The following DPH2 variants were observed in gnomAD, a reference collection of about 807,000 sequenced individuals.
DPH2 encodes the protein diphthamide biosynthesis 2, also known as 2-(3-amino-3-carboxypropyl)histidine synthase subunit 2.
A neutral mutation model predicts 42.5 loss-of-function variants in DPH2; 28 were observed. The observed-to-expected ratio is 0.66, with a 90% CI of 0.49 to 0.90. The LOEUF is 0.90. Among genes scored for constraint, DPH2 ranks in the 40% least tolerant of loss-of-function variants. The probability of loss-of-function intolerance (pLI) is 0.00; values close to 1 mark genes in which losing one functional copy is unlikely to be tolerated. For synonymous variants in DPH2, 279 were observed against 264.4 expected, an observed-to-expected ratio of 1.06 and a Z score of -0.53; for missense variants, 576 against 636.0, an observed-to-expected ratio of 0.91 and a Z score of 1.01.
Position 43,971,718 on chromosome 1 carries a change from A to G in DPH2, c.816A>G (p.Arg272=). The change falls in exon 4 of 6, where the codon CGA becomes CGG. Residue 272 remains arginine (R), a synonymous_variant. Transcript: ENST00000255108. ...ARAGRLRARR[R]YLVERARDAR... is the part of the protein sequence containing the mutation. ...CTGGACGGCTAAGGGCACGAAGACG[A>G]TATCTGGTAGAGAGGGCCAGAGATG... 1 of 1,612,466 alleles carries G rather than the reference A, an allele frequency of 6.2e-7. No homozygotes were observed. Among genetic ancestry groups the G allele is most frequent in the Non-Finnish European group, 8.5e-7 (1 of 1,179,934 alleles).
Position 43,971,037 on chromosome 1 carries a change from T to G in DPH2, c.332T>G (p.Leu111Ter). 6.3e-7 allele frequency: 1 copy of G among 1,582,192 alleles called. No individual in the cohort carries two copies. The highest frequency in any genetic ancestry group is 8.6e-7 in the Non-Finnish European group (1 of 1,163,220). Residue 111 changes from leucine to a stop codon, truncating the protein, a stop_gained, in exon 3 of 6, where the codon TTA (leucine) becomes TGA (stop). Transcript: ENST00000255108. LOFTEE classifies it high-confidence loss of function. ...QALIHFGPAC[L>*]SPPARPLPVA... ...CTCATACATTTTGGCCCTGCCTGCT[T>G]AAGCCCTCCAGCCCGCCCACTGCCC...
In DPH2 at chr1:43,971,933, G is replaced by T; in HGVS notation, c.1031G>T (p.Gly344Val). 6.2e-7 allele frequency: 1 copy of T among 1,614,224 alleles called. No homozygotes were observed. Among genetic ancestry groups the T allele is most frequent in the Non-Finnish European group, 8.5e-7 (1 of 1,180,042 alleles). Residue 344 changes from glycine (G) to valine (V), a missense_variant, in exon 4 of 6, where the codon GGT (glycine) becomes GTT (valine). Transcript: ENST00000255108. ...TTTGTGCTATTAGCCTGTCCTCTGG[G>T]TGCTCTAGCCCCCCAGCTTTCTGGT... Reference protein sequence around the residue: ...DVFVLLACPLGALAPQLSGSF... With the variant: ...DVFVLLACPLVALAPQLSGSF...
In DPH2 at chr1:43,970,118, G is replaced by C. The variant is rs11539397; in HGVS notation, c.-58G>C. ...CCTGAGGGCTGCTCTAGAGGACTCAGGCCCCGAAGCTGTCCCAGGGAGGTC... is the reference window on the plus strand; with the variant it reads ...CCTGAGGGCTGCTCTAGAGGACTCACGCCCCGAAGCTGTCCCAGGGAGGTC... On this transcript the variant is annotated 5_prime_UTR_variant, in exon 1 of 6. Transcript: ENST00000255108. 1 of 1,588,864 alleles carries C rather than the reference G, an allele frequency of 6.3e-7. No individual in the cohort carries two copies. Among genetic ancestry groups the C allele is most frequent in the African/African-American group, 1.3e-5 (1 of 74,746 alleles).
At position 43,971,978 on chromosome 1, in the gene DPH2, T is replaced by C; in HGVS notation, c.1076T>C (p.Leu359Pro). 6.2e-7 allele frequency: 1 copy of C among 1,614,232 alleles called. No homozygotes were observed. The highest frequency in any genetic ancestry group is 8.5e-7 in the Non-Finnish European group (1 of 1,180,044). Residue 359 changes from leucine (L) to proline (P), a missense_variant, in exon 4 of 6, where the codon CTG (leucine) becomes CCG (proline). By Grantham distance (98) the Leu-to-Pro change is moderately conservative (BLOSUM62 -3). This residue lies in a region of DPH2 where 178 missense variants were observed against 184.4 expected (regional missense o/e 0.97). Coordinates refer to ENST00000255108, the MANE Select transcript of DPH2 (RefSeq NM_001384.5). ...QLSGSFFQPI[L>P]APCELEAACN... ...TCTGGTAGCTTCTTCCAGCCTATAC[T>C]GGCACCATGTGAGCTGGAAGCTGCC...
chr1:43,970,387 T>A, intron 1 of DPH2, 65 bp downstream of exon 1: 1 of 1,584,750 alleles, frequency 6.3e-7, no homozygotes, highest in Non-Finnish European at 8.6e-7. Flanking sequence ...AGGATCCGGA[T>A]CTTGGGGGAT....
At chr1:43,970,784 C>A in intron 2 of DPH2, 76 bp downstream of exon 2, 1 of 1,420,630 alleles carries the variant, frequency 7.0e-7, no homozygotes, top group Non-Finnish European at 1.0e-6. Context: ...ACAGTGATTG[C>A]CTTCAATGGT....
At chr1:43,970,528 G>T in intron 1 of DPH2, 68 bp from the exon 2 acceptor site, 1 of 1,575,832 alleles carries the variant, frequency 6.3e-7, no homozygotes, top group Non-Finnish European at 8.7e-7. Context: ...GGAGCTCCTG[G>T]AAGATTGCTT....
intron 3 of DPH2, 84 bp from the exon 4 acceptor site, chr1:43,971,303 A>T: frequency 1.3e-6 from 2 of 1,530,630 alleles, no homozygotes; most frequent in East Asian, 4.5e-5. Flanking sequence ...GCCCCAGCCT[A>T]CTGGGTCATA....
Position 43,971,136 on chromosome 1 carries a change from A to G in DPH2, c.431A>G (p.Asp144Gly). ...CVKAFEAQNPDPKAPVVLLSE... is the reference protein window; with the variant it reads ...CVKAFEAQNPGPKAPVVLLSE... Reference sequence around the variant, plus strand: ...AAGGCCTTTGAGGCCCAGAACCCAGACCCCAAAGCGCCTGTGGTGCTGCTG... The same window carrying G: ...AAGGCCTTTGAGGCCCAGAACCCAGGCCCCAAAGCGCCTGTGGTGCTGCTG... The change falls in exon 3 of 6, where the codon GAC (aspartate) becomes GGC (glycine). Residue 144 changes from aspartate (D) to glycine (G), a missense_variant. Physicochemically the swap from Asp to Gly is moderately conservative, Grantham distance 94. Transcript: ENST00000255108. 6.4e-7 allele frequency: 1 copy of G among 1,557,338 alleles called. No individual in the cohort carries two copies. Among genetic ancestry groups the G allele is most frequent in the Non-Finnish European group, 8.7e-7 (1 of 1,149,712 alleles).
rs923520888 is a variant in DPH2 at position 43,972,670 on chromosome 1, C to G, written c.*131C>G. ...CTGGAAGGAGGGAGAGCAGGCAGCC[C>G]TTCACAGGATAGGATCCGTCTCTGT... On this transcript the variant is annotated 3_prime_UTR_variant, in exon 6 of 6. Transcript: ENST00000255108. The G allele has an allele frequency of 1.5e-6, 2 of 1,349,878 alleles. No individual in the cohort carries two copies. The highest frequency in any genetic ancestry group is 2.9e-5 in the African/African-American group (2 of 68,914). The allele number at this position is 1,349,878 out of a possible 1,614,324, so 83.6% of individuals were successfully genotyped here.
intron 3 of DPH2, 61 bp from the exon 4 acceptor site, chr1:43,971,326 G>T: frequency 6.5e-7 from 1 of 1,535,580 alleles, no homozygotes; most frequent in Non-Finnish European, 8.8e-7. Context: ...TAGTCTCCTG[G>T]GGATGAGGGA....
At position 43,972,046 on chromosome 1, in the gene DPH2, A is replaced by T. The variant is rs770202621; in HGVS notation, c.1144A>T (p.Thr382Ser). 6.2e-7 allele frequency: 1 copy of T among 1,613,748 alleles called. No homozygotes were observed. Among genetic ancestry groups the T allele is most frequent in the East Asian group, 2.2e-5 (1 of 44,874 alleles). ...ACCTCCAGGCCTGGCTCCCCACCTC[A>T]CACATTATGCGGACTTATTGCCTGG... ...WPPPGLAPHL[T>S]HYADLLPGSP... Residue 382 changes from threonine to serine, a missense_variant, in exon 4 of 6, where the codon ACA (threonine) becomes TCA (serine). By Grantham distance (58) the Thr-to-Ser change is moderately conservative. Transcript: ENST00000255108.
Position 43,971,531 on chromosome 1 carries a change from G to T in DPH2, c.629G>T (p.Arg210Leu). Residue 210 changes from arginine (R) to leucine (L), a missense_variant, in exon 4 of 6, where the codon CGT becomes CTT. Coordinates refer to ENST00000255108, the MANE Select transcript of DPH2 (RefSeq NM_001384.5). ...GRRFPLAPGRRLEEYGAFYVG... is the reference protein window; with the variant it reads ...GRRFPLAPGRLLEEYGAFYVG... ...CGCTTCCCCCTTGCCCCAGGGAGGC[G>T]TCTAGAAGAGTATGGTGCCTTCTAT... 1 of 1,614,228 alleles carries T rather than the reference G, an allele frequency of 6.2e-7. No individual in the cohort carries two copies. The highest frequency in any genetic ancestry group is 8.5e-7 in the Non-Finnish European group (1 of 1,180,024).
rs1349819449 is a variant in DPH2 at position 43,971,548 on chromosome 1, G to C, written c.646G>C (p.Ala216Pro). Residue 216 changes from alanine (A) to proline (P), a missense_variant, in exon 4 of 6, where the codon GCC (alanine) becomes CCC (proline). Ala to Pro is a conservative substitution (Grantham distance 27). Coordinates refer to ENST00000255108, the MANE Select transcript of DPH2 (RefSeq NM_001384.5). ...AGGGAGGCGTCTAGAAGAGTATGGT[G>C]CCTTCTATGTAGGGGGCTCTAAGGC... is the stretch of plus-strand genomic sequence containing the variant. ...APGRRLEEYG[A>P]FYVGGSKASP... is the part of the protein sequence containing the mutation. 2 of 1,614,086 alleles carry C rather than the reference G, an allele frequency of 1.2e-6. No homozygotes were observed. The highest frequency in any genetic ancestry group is 2.7e-5 in the African/African-American group (2 of 74,932).
chr1:43,972,216 C>T lies in DPH2; in HGVS notation c.1227C>T (p.Asp409=), dbSNP rs770900701. 29 of 1,614,194 alleles carry T rather than the reference C, an allele frequency of 1.8e-5. No individual in the cohort carries two copies. Among genetic ancestry groups the T allele is most frequent in the East Asian group, 6.7e-5 (3 of 44,888 alleles). ...PPESELWETP[D]VSLITGDLRP... ...AGTCAGAGCTGTGGGAAACCCCAGA[C>T]GTGTCACTCATTACTGGAGATCTCC... is the stretch of plus-strand genomic sequence containing the variant. The change falls in exon 5 of 6, where the codon GAC becomes GAT. Residue 409 remains aspartate, a synonymous_variant. Coordinates refer to ENST00000255108, the MANE Select transcript of DPH2 (RefSeq NM_001384.5).
Position 43,971,658 on chromosome 1 carries a change from A to AGATACAGG in DPH2, c.759_766dup (p.Lys256IlefsTer15). The AGATACAGG allele has an allele frequency of 6.2e-7, 1 of 1,614,120 alleles. No homozygotes were observed. Among genetic ancestry groups the AGATACAGG allele is most frequent in the Admixed American group, 1.7e-5 (1 of 60,032 alleles). ...GTCAACCCTTCTCCTCCTGCTGTCC[A>AGATACAGG]GATACAGGGAAGACTCAGGATGAGG... On this transcript the variant is annotated frameshift_variant, in exon 4 of 6. Coordinates refer to ENST00000255108, the MANE Select transcript of DPH2 (RefSeq NM_001384.5). LOFTEE classifies it high-confidence loss of function.
chr1:43,970,511 T>A, intron 1 of DPH2, 85 bp from the exon 2 acceptor site: 1 of 1,549,508 alleles, frequency 6.5e-7, no homozygotes, highest in Non-Finnish European at 8.9e-7. Context: ...GCTTTGAAGG[T>A]TGAGTGGGAG....
At chr1:43,970,828 C>T in intron 2 of DPH2, 120 bp downstream of exon 2, 2 of 1,276,764 alleles carry the variant, frequency 1.6e-6, no homozygotes, top group Non-Finnish European at 2.3e-6. Flanking sequence ...GTAATGACTC[C>T]CCTTCTGATG....
rs2085462588 is a variant in DPH2, at chr1:43,972,742, G to A, written c.*203G>A. ...GCTCAGCACATGCCCAGTAATGCGT[G>A]TTGTTTGGCTGATGGAATAAAGGGC... On this transcript the variant is annotated 3_prime_UTR_variant, in exon 6 of 6. Coordinates refer to ENST00000255108, the MANE Select transcript of DPH2 (RefSeq NM_001384.5). 3 of 678,848 alleles carry A rather than the reference G, an allele frequency of 4.4e-6. No homozygotes were observed. In the South Asian group the frequency reaches 5.8e-5, roughly 13 times the overall value. The allele number at this position is 678,848 out of a possible 1,614,324, so 42.1% of individuals were successfully genotyped here.
Sources: gnomAD v4.1 joint callset for allele counts on GRCh38, gnomAD v4.1.1 for gene constraint, gnomAD v4.1.1 regional missense constraint, MANE v1.5 for transcripts, NCBI Gene and HGNC (gene_info 2026-07-23, HGNC 2026-07-21) for gene names.